DGKG: variants seen among roughly 807,000 people sequenced by gnomAD.
DGKG encodes DAG kinase gamma.
Under a neutral mutation model 105.3 loss-of-function variants are expected in DGKG, and 78 were observed. That is an observed-to-expected ratio of 0.74 (90% confidence interval 0.62 to 0.89). The LOEUF (loss-of-function observed/expected upper bound fraction) is 0.89. Ranked by LOEUF, DGKG falls within the 40% of genes least tolerant of loss-of-function variation. The pLI is 0.00. For synonymous variants in DGKG, 346 were observed against 367.1 expected (o/e 0.94, Z 0.66); for missense variants, 958 against 1,020.1 (o/e 0.94, Z 0.83).
At chr3:186,360,127 C>T (rs1727158944) in intron 1 of DGKG, among the ~76,000 whole-genome samples, 1 of 152,064 alleles carries the variant, frequency 6.6e-6, no homozygotes, top group South Asian at 2.1e-4. Context: ...TGGAGGGATC[C>T]TCACCATCTG....
At chr3:186,161,186 A>C in intron 24 of DGKG, 1 of 996,294 alleles carries the variant, frequency 1.0e-6, no homozygotes, top group Non-Finnish European at 1.2e-6. Flanking sequence ...TAGGTAAGGT[A>C]AGTGTGTAGA....
chr3:186,177,193 C>T (rs532547567), intron 22 of DGKG, among the ~76,000 whole-genome samples: 1 of 152,324 alleles, frequency 6.6e-6, no homozygotes, highest in East Asian at 1.9e-4. Context: ...ACATGACTCT[C>T]AGATCCTATT....
chr3:186,158,153 G>T, intron 24 of DGKG: 1 of 691,204 alleles, frequency 1.4e-6, no homozygotes, highest in Non-Finnish European at 1.8e-6. Flanking sequence ...TAGTTCTAGA[G>T]TTTCCTGTTT....
chr3:186,170,181 C>T (rs1377920565), intron 22 of DGKG, among the ~76,000 whole-genome samples: 1 of 152,138 alleles, frequency 6.6e-6, no homozygotes, highest in Non-Finnish European at 1.5e-5. Context: ...CAGGTTGCAC[C>T]CTATACCAAT....
intron 13 of DGKG, among the ~76,000 whole-genome samples, chr3:186,265,854 T>C (rs1489902385): frequency 1.3e-5 from 2 of 151,930 alleles, no homozygotes; most frequent in African/African-American, 2.4e-5. Context: ...GTATTTTTAG[T>C]AGAGATGGGG....
At chr3:186,351,290 G>C (rs1056989287) in intron 1 of DGKG, among the ~76,000 whole-genome samples, 3 of 152,080 alleles carry the variant, frequency 2.0e-5, no homozygotes, top group Non-Finnish European at 4.4e-5. Context: ...TATTAATTTG[G>C]TTATTTCAGT....
intron 11 of DGKG, among the ~76,000 whole-genome samples, chr3:186,271,059 C>G (rs1020656758): frequency 6.6e-6 from 1 of 152,166 alleles, no homozygotes; most frequent in African/African-American, 2.4e-5. Flanking sequence ...CACACAAATT[C>G]TAGGAGGTGC....
chr3:186,322,557 C>T (rs1725129345), intron 1 of DGKG, among the ~76,000 whole-genome samples: 1 of 152,112 alleles, frequency 6.6e-6, no homozygotes, highest in Non-Finnish European at 1.5e-5. Context: ...CAAACCTGCA[C>T]AAGAACCCTT....
At position 186,231,459 on chromosome 3, in the gene DGKG, C is replaced by A. The variant is rs7648336; in HGVS notation, c.1826+11045G>T. Among the ~76,000 whole-genome samples the A allele has an allele frequency of 0.28, 43,080 of 152,036 alleles. 6,787 individuals carry two copies. The highest frequency in any genetic ancestry group is 0.37 in the Non-Finnish European group (25,057 of 67,946). Reference sequence around the variant, plus strand: ...CTGTAAGATGGATCAATAATACTTACACTTGGTGAGTTGTGCCACTTAAAA... The same window carrying A: ...CTGTAAGATGGATCAATAATACTTAAACTTGGTGAGTTGTGCCACTTAAAA... On this transcript the variant is annotated intron_variant, in intron 20 of 24. Coordinates refer to ENST00000265022, the MANE Select transcript of DGKG (RefSeq NM_001346.3). This position sits in a 1 kb window ranked among gnomAD's most constrained non-coding sequence, Gnocchi z 4.5.
chr3:186,248,064 T>C lies in DGKG; in HGVS notation c.1761+3695A>G, dbSNP rs545010468. Among the ~76,000 whole-genome samples, 133 of 152,234 alleles carry C rather than the reference T, an allele frequency of 8.7e-4. No individual in the cohort carries two copies. The Middle Eastern group carries it at 0.014, about 16-fold the overall frequency. On this transcript the variant is annotated intron_variant, in intron 19 of 24. Coordinates refer to ENST00000265022, the MANE Select transcript of DGKG (RefSeq NM_001346.3). Reference sequence around the variant, plus strand: ...TTTTTGCTAGAATAAATTAAAACTATGATTACTGAATAGTCTTGGCTCTTG... The same window carrying C: ...TTTTTGCTAGAATAAATTAAAACTACGATTACTGAATAGTCTTGGCTCTTG...
intron 11 of DGKG, among the ~76,000 whole-genome samples, chr3:186,270,886 C>G (rs765499923): frequency 1.2e-4 from 19 of 152,212 alleles, no homozygotes; most frequent in Non-Finnish European, 2.4e-4. Flanking sequence ...CCTCATTGGC[C>G]TCACTCTGTT....
intron 5 of DGKG, among the ~76,000 whole-genome samples, chr3:186,295,240 C>T (rs1360471173): frequency 2.0e-5 from 3 of 152,106 alleles, no homozygotes; most frequent in Admixed American, 6.5e-5. Flanking sequence ...GGGTGGCTCA[C>T]GCCTATAATC....
intron 22 of DGKG, among the ~76,000 whole-genome samples, chr3:186,173,174 G>T (rs956006397): frequency 6.6e-6 from 1 of 152,200 alleles, no homozygotes; most frequent in Non-Finnish European, 1.5e-5. Flanking sequence ...CCTCATTAAG[G>T]CTCTGTCTCC....
At chr3:186,192,528 G>A (rs1034877621) in intron 21 of DGKG, among the ~76,000 whole-genome samples, 3 of 152,162 alleles carry the variant, frequency 2.0e-5, no homozygotes, top group African/African-American at 7.2e-5. Context: ...ATCTTCACAT[G>A]AACATGATGA....
rs376427951 is a variant in DGKG, at chr3:186,298,197, C to T, written c.177G>A (p.Met59Ile). The change falls in exon 4 of 25, where the codon ATG (methionine) becomes ATA (isoleucine). Residue 59 changes from methionine to isoleucine, a missense_variant. Around this residue, in one of 2 missense-constraint regions of DGKG, gnomAD observed 643 missense variants for 619.5 expected, o/e 1.04. Coordinates refer to ENST00000265022, the MANE Select transcript of DGKG (RefSeq NM_001346.3). ...GAAGGTCCACCTCCAGGTACGCCCT[C>T]ATGAACAGCTTGAAGACATCATAGC... The part of the protein sequence containing the change: ...PISYDVFKLF[M>I]RAYLEVDLPQ... 1.2e-6 allele frequency: 2 copies of T among 1,611,792 alleles called. No individual in the cohort carries two copies. Among genetic ancestry groups the T allele is most frequent in the Non-Finnish European group, 1.7e-6 (2 of 1,179,052 alleles).
chr3:186,157,070 G>A (rs943808665), intron 24 of DGKG, among the ~76,000 whole-genome samples: 5 of 151,750 alleles, frequency 3.3e-5, no homozygotes, highest in African/African-American at 7.3e-5. Context: ...TACATGTCTT[G>A]TTCATGATTT....
At chr3:186,342,016 T>C (rs1726110930) in intron 1 of DGKG, among the ~76,000 whole-genome samples, 1 of 152,040 alleles carries the variant, frequency 6.6e-6, no homozygotes, top group Non-Finnish European at 1.5e-5. Context: ...GGGACTGTTG[T>C]GGGGTGGGAG....
At chr3:186,333,790 G>T (rs1033898438) in intron 1 of DGKG, among the ~76,000 whole-genome samples, 1 of 152,186 alleles carries the variant, frequency 6.6e-6, no homozygotes, top group Admixed American at 6.5e-5. Context: ...TGGGGCTTGG[G>T]CAGGTCTAGA....
At chr3:186,228,798 C>T (rs1222630984) in intron 20 of DGKG, among the ~76,000 whole-genome samples, 1 of 152,192 alleles carries the variant, frequency 6.6e-6, no homozygotes, top group East Asian at 1.9e-4. Flanking sequence ...TGTTCACGTC[C>T]CTTCGTGAAA....
Sources: gnomAD v4.1 joint callset for allele counts (sites outside exome capture counted in the v4.1 genomes callset) on GRCh38, gnomAD v4.1.1 for gene constraint, gnomAD v4.1.1 regional missense constraint, Gnocchi (gnomAD v3.1) non-coding constraint, MANE v1.5 for transcripts, NCBI Gene and HGNC (gene_info 2026-07-23, HGNC 2026-07-21) for gene names.